PACRG: variants seen among roughly 807,000 people sequenced by gnomAD.
The protein encoded by PACRG is parkin coregulated, also known as parkin coregulated gene protein.
In PACRG, 29 loss-of-function variants were observed where a neutral mutation model predicts 29.7. That is an observed-to-expected ratio of 0.98 (90% confidence interval 0.73 to 1.33). PACRG has a LOEUF of 1.33. Among genes scored for constraint, PACRG ranks in the 40% most tolerant of loss-of-function variants. The pLI is 0.00. For missense variants in PACRG, 279 were observed against 316.2 expected (o/e 0.88, Z 0.89); for synonymous variants, 116 against 118.7 (o/e 0.98, Z 0.15).
intron 2 of PACRG, among the ~76,000 whole-genome samples, chr6:162,826,453 T>G (rs1234766075): frequency 6.7e-6 from 1 of 148,918 alleles, no homozygotes; most frequent in Non-Finnish European, 1.5e-5. Context: ...AAGATTTTTC[T>G]TTTTTCTTTT....
At chr6:162,780,008 A>T (rs1783969918) in intron 1 of PACRG, among the ~76,000 whole-genome samples, 1 of 152,232 alleles carries the variant, frequency 6.6e-6, no homozygotes, top group Non-Finnish European at 1.5e-5. Flanking sequence ...AAGGAAGTTA[A>T]GTCGGCTAGA....
intron 2 of PACRG, among the ~76,000 whole-genome samples, chr6:162,859,297 A>G (rs1246165713): frequency 6.6e-6 from 1 of 152,194 alleles, no homozygotes; most frequent in Non-Finnish European, 1.5e-5. Flanking sequence ...TAAATGCATC[A>G]ATCTTCAATT....
intron 2 of PACRG, among the ~76,000 whole-genome samples, chr6:162,933,624 T>TTC (rs1397731253): frequency 1.6e-3 from 200 of 121,532 alleles, no homozygotes; most frequent in African/African-American, 5.5e-3. Flanking sequence ...TTTTTTTTTT[T>TTC]ACTTAAAGTC....
intron 4 of PACRG, among the ~76,000 whole-genome samples, chr6:163,206,884 T>C (rs1015031658): frequency 1.3e-5 from 2 of 151,210 alleles, no homozygotes; most frequent in African/African-American, 2.4e-5. Flanking sequence ...CTCAGGAAGG[T>C]TGATTAAGAG....
At chr6:163,285,525 T>A (rs539471390) in intron 4 of PACRG, among the ~76,000 whole-genome samples, 1 of 152,298 alleles carries the variant, frequency 6.6e-6, no homozygotes, top group Non-Finnish European at 1.5e-5. Flanking sequence ...CCTAGCACAA[T>A]CCTGACATCT....
At chr6:162,814,349 A>G in intron 2 of PACRG, 68 bp downstream of exon 2, 2 of 1,555,132 alleles carry the variant, frequency 1.3e-6, no homozygotes, top group Non-Finnish European at 1.8e-6. Flanking sequence ...TGCCAAACAC[A>G]CTTGGCTGCT....
chr6:163,274,964 G>C (rs1310584069), intron 4 of PACRG, among the ~76,000 whole-genome samples: 2 of 147,108 alleles, frequency 1.4e-5, no homozygotes, highest in African/African-American at 5.0e-5. Context: ...CCAAGTTCAA[G>C]CAATTCTCCT....
chr6:163,259,859 C>A (rs1342418559), intron 4 of PACRG, among the ~76,000 whole-genome samples: 2 of 152,192 alleles, frequency 1.3e-5, no homozygotes, highest in African/African-American at 4.8e-5. Context: ...CCGCTCCACC[C>A]CCAGAGGCTG....
At chr6:162,785,302 A>G (rs1244588591) in intron 1 of PACRG, among the ~76,000 whole-genome samples, 2 of 152,222 alleles carry the variant, frequency 1.3e-5, no homozygotes, top group Admixed American at 1.3e-4. Context: ...AAAACTGCAC[A>G]GAAAGAAATA....
intron 2 of PACRG, among the ~76,000 whole-genome samples, chr6:162,838,771 T>A (rs2128404726): frequency 8.4e-6 from 1 of 118,758 alleles, no homozygotes; most frequent in East Asian, 2.7e-4. Flanking sequence ...GTCCCCAGAG[T>A]GTGATATTCC....
chr6:162,875,932 G>T (rs1793306014), intron 2 of PACRG, among the ~76,000 whole-genome samples: 1 of 152,126 alleles, frequency 6.6e-6, no homozygotes, highest in Non-Finnish European at 1.5e-5. Context: ...TCTATCTCCA[G>T]TTGTTCTACA....
chr6:163,311,728 A>C (rs564618006), intron 4 of PACRG, among the ~76,000 whole-genome samples: 1 of 152,288 alleles, frequency 6.6e-6, no homozygotes, highest in South Asian at 2.1e-4. Context: ...AGCAACTCCT[A>C]TTGTGTTTTG....
chr6:162,771,060 A>G (rs541234492), intron 1 of PACRG, among the ~76,000 whole-genome samples: 1 of 152,310 alleles, frequency 6.6e-6, no homozygotes, highest in South Asian at 2.1e-4. Context: ...AATGAAATAC[A>G]TTAGTATTCT....
chr6:163,128,707 T>G (rs1816610331), intron 4 of PACRG, among the ~76,000 whole-genome samples: 1 of 152,204 alleles, frequency 6.6e-6, no homozygotes, highest in African/African-American at 2.4e-5. Context: ...GACTGTCATT[T>G]AGCCAAAACT....
intron 3 of PACRG, among the ~76,000 whole-genome samples, chr6:163,076,804 C>T (rs1158407764): frequency 1.3e-5 from 2 of 152,036 alleles, no homozygotes; most frequent in African/African-American, 4.8e-5. Flanking sequence ...TCTATAAAGC[C>T]TCTTCTGATT....
At chr6:163,005,315 A>G (rs765326714) in intron 2 of PACRG, among the ~76,000 whole-genome samples, 5 of 151,852 alleles carry the variant, frequency 3.3e-5, no homozygotes, top group Non-Finnish European at 7.4e-5. Context: ...CCACTCAGAT[A>G]TTTATTATTT....
chr6:162,978,710 T>G (rs1317895376), intron 2 of PACRG, among the ~76,000 whole-genome samples: 2 of 152,188 alleles, frequency 1.3e-5, no homozygotes, highest in African/African-American at 4.8e-5. Context: ...AGAAATGACA[T>G]TCTCCAGAGT....
chr6:163,178,907 T>C (rs1264280555), intron 4 of PACRG, among the ~76,000 whole-genome samples: 2 of 152,182 alleles, frequency 1.3e-5, no homozygotes, highest in Non-Finnish European at 2.9e-5. Flanking sequence ...TCAGGTAATA[T>C]AAGTGAATTT....
At chr6:163,279,898 G>T (rs1411786217) in intron 4 of PACRG, among the ~76,000 whole-genome samples, 2 of 152,198 alleles carry the variant, frequency 1.3e-5, no homozygotes, top group East Asian at 3.9e-4. Flanking sequence ...TACCTGGGAA[G>T]AATTATCTTC....
Sources: allele counts gnomAD v4.1 joint callset (sites outside exome capture counted in the v4.1 genomes callset), GRCh38; gene constraint gnomAD v4.1.1; transcripts MANE v1.5; gene names NCBI Gene and HGNC (gene_info 2026-07-23, HGNC 2026-07-21).